Variants in RB1CC1 observed in about 807,000 individuals in gnomAD.
RB1CC1 encodes the protein RB1-inducible coiled-coil protein 1.
In RB1CC1, 46 loss-of-function variants were observed where a neutral mutation model predicts 177.5. The ratio of observed to expected loss-of-function variants is 0.26; its 90% CI spans 0.20 to 0.33. The LOEUF is 0.33. Ranked by LOEUF, RB1CC1 falls within the 10% of genes least tolerant of loss-of-function variation. The pLI is 1.00. For synonymous variants in RB1CC1, 666 were observed against 613.6 expected, an observed-to-expected ratio of 1.09 and a Z score of -1.26; for missense variants, 1,703 against 1,816.3, an observed-to-expected ratio of 0.94 and a Z score of 1.13.
intron 7 of RB1CC1, among the ~76,000 whole-genome samples, chr8:52,672,115 T>C (rs1417064032): frequency 2.0e-5 from 3 of 152,204 alleles, no homozygotes; most frequent in Non-Finnish European, 2.9e-5. Flanking sequence ...CTACCTTCTA[T>C]TTTCTGAAGG....
chr8:52,632,100 T>A (rs1590916396), intron 20 of RB1CC1, among the ~76,000 whole-genome samples: 1 of 152,208 alleles, frequency 6.6e-6, no homozygotes, highest in African/African-American at 2.4e-5. Context: ...TGCTAGCTGA[T>A]AAGCTATAGC....
chr8:52,654,969 C>T (rs1850951254), intron 15 of RB1CC1, among the ~76,000 whole-genome samples: 1 of 152,132 alleles, frequency 6.6e-6, no homozygotes, highest in Admixed American at 6.5e-5. Context: ...GGTCTATTTT[C>T]CATACTGCAA....
At chr8:52,626,470 T>C (rs79761309) in intron 22 of RB1CC1, among the ~76,000 whole-genome samples, 2,225 of 152,278 alleles carry the variant, frequency 0.015, 63 homozygotes, top group African/African-American at 0.05. Flanking sequence ...CACACATTTG[T>C]GTATATTTAT....
At chr8:52,653,013 C>T (rs556207936) in intron 15 of RB1CC1, among the ~76,000 whole-genome samples, 1 of 152,054 alleles carries the variant, frequency 6.6e-6, no homozygotes, top group Admixed American at 6.5e-5. Context: ...AGAGAGATCA[C>T]GCCACTGCAC....
intron 1 of RB1CC1, among the ~76,000 whole-genome samples, chr8:52,711,757 G>C (rs555145463): frequency 6.6e-6 from 1 of 152,246 alleles, no homozygotes; most frequent in East Asian, 1.9e-4. Flanking sequence ...TGAATATGTA[G>C]AGCCCCACAA....
intron 1 of RB1CC1, among the ~76,000 whole-genome samples, chr8:52,694,053 A>G (rs1855146519): frequency 1.3e-5 from 2 of 152,162 alleles, no homozygotes; most frequent in African/African-American, 4.8e-5. Flanking sequence ...CTTCACAGCT[A>G]AAGAAACATA....
intron 1 of RB1CC1, among the ~76,000 whole-genome samples, chr8:52,692,539 T>C (rs931287517): frequency 5.3e-5 from 8 of 152,168 alleles, no homozygotes; most frequent in African/African-American, 1.7e-4. Context: ...ATCATTCATA[T>C]GACAAAACTA....
chr8:52,682,207 T>C lies in RB1CC1; in HGVS notation c.369+1342A>G, dbSNP rs545266458. Reference sequence around the variant, plus strand: ...TGAGACCTGGAGTCAAAGGAGATGATTTTGGAGCTTCAAAACTTGGCTGCC... The same window carrying C: ...TGAGACCTGGAGTCAAAGGAGATGACTTTGGAGCTTCAAAACTTGGCTGCC... On this transcript the variant is annotated intron_variant, in intron 5 of 23. Coordinates refer to ENST00000025008, the MANE Select transcript of RB1CC1 (RefSeq NM_014781.5). 2.0e-4 allele frequency among the ~76,000 whole-genome samples: 31 copies of C among 152,316 alleles called. No homozygotes were observed. In the South Asian group the frequency reaches 5.4e-3, roughly 26 times the overall value.
chr8:52,676,373 T>A lies in RB1CC1; in HGVS notation c.568A>T (p.Thr190Ser). Residue 190 changes from threonine (T) to serine (S), a missense_variant, in exon 6 of 24, where the codon ACT becomes TCT. Thr to Ser is a moderately conservative substitution (Grantham distance 58). Coordinates refer to ENST00000025008, the MANE Select transcript of RB1CC1 (RefSeq NM_014781.5). ...CCATTTTAATGGCAAACATACTGAG[T>A]AAGTTTTAACTTGATGTCTTCTATG... ...QSIEDIKLKL[T>S]HLGTAVSVMA... The A allele has an allele frequency of 6.3e-7, 1 of 1,597,878 alleles. No homozygotes were observed. Among genetic ancestry groups the A allele is most frequent in the East Asian group, 2.2e-5 (1 of 44,794 alleles).
At chr8:52,678,797 G>A (rs866622402) in intron 5 of RB1CC1, among the ~76,000 whole-genome samples, 2 of 152,194 alleles carry the variant, frequency 1.3e-5, no homozygotes, top group South Asian at 4.1e-4. Flanking sequence ...AAGAGCACTG[G>A]CCTTGGAGAA....
chr8:52,656,201 G>A lies in RB1CC1; in HGVS notation c.3628C>T (p.Gln1210Ter). 6.2e-7 allele frequency: 1 copy of A among 1,613,466 alleles called. No homozygotes were observed. The highest frequency in any genetic ancestry group is 8.5e-7 in the Non-Finnish European group (1 of 1,179,818). ...TTTTGTCTGTCTTTCTCAAGGTTCT[G>A]GATAATAGCTTCGTATTTCTCTTCT... ...QQEEKYEAIIQNLEKDRQKLV... is the reference protein window; with the variant it reads ...QQEEKYEAII The change falls in exon 15 of 24, where the codon CAG becomes TAG. Residue 1210 changes from glutamine (Q) to a stop codon, truncating the protein, a stop_gained. Coordinates refer to ENST00000025008, the MANE Select transcript of RB1CC1 (RefSeq NM_014781.5). LOFTEE classifies it high-confidence loss of function.
chr8:52,676,613 T>C, intron 5 of RB1CC1, 42 bp from the exon 6 acceptor site: 3 of 1,547,462 alleles, frequency 1.9e-6, no homozygotes, highest in Admixed American at 1.8e-5. Context: ...AAGAAGGCAA[T>C]GGTTTGTTTG....
chr8:52,684,128 T>C, intron 3 of RB1CC1, 115 bp from the exon 4 acceptor site: 1 of 1,212,264 alleles, frequency 8.2e-7, no homozygotes, highest in Non-Finnish European at 1.1e-6. Flanking sequence ...TCTAAAACCT[T>C]CCCCAAAAAC....
At position 52,683,970 on chromosome 8, in the gene RB1CC1, C is replaced by T. The variant is rs1020769671; in HGVS notation, c.115G>A (p.Ala39Thr). The change falls in exon 4 of 24, where the codon GCT becomes ACT. Residue 39 changes from alanine to threonine, a missense_variant. Ala to Thr is a moderately conservative substitution (Grantham distance 58, BLOSUM62 0). Transcript: ENST00000025008. ...ACCACCAGCACCTGGTGTTGAATAG[C>T]AATCTTGTATTTGCTTTGAATGGCA... ...KHAIQSKYKI[A>T]IQHQVLVVNG... is the part of the protein sequence containing the mutation. The T allele has an allele frequency of 6.2e-7, 1 of 1,614,032 alleles. No individual in the cohort carries two copies. The highest frequency in any genetic ancestry group is 1.3e-5 in the African/African-American group (1 of 75,028).
At chr8:52,673,727 C>T in intron 7 of RB1CC1, 118 bp downstream of exon 7, 1 of 960,870 alleles carries the variant, frequency 1.0e-6, no homozygotes, top group Non-Finnish European at 1.5e-6. Context: ...AGTTTCACTC[C>T]AAGACTCATT....
At position 52,685,239 on chromosome 8, in the gene RB1CC1, C is replaced by T. The variant is rs58350751; in HGVS notation, c.71+160G>A. On this transcript the variant is annotated intron_variant, in intron 3 of 23. Coordinates refer to ENST00000025008, the MANE Select transcript of RB1CC1 (RefSeq NM_014781.5). Reference sequence around the variant, plus strand: ...GGATGGTCTCGATCTTTCTTGACCTCGTGATCCGCCCGCCTCAGCCTCCCA... The same window carrying T: ...GGATGGTCTCGATCTTTCTTGACCTTGTGATCCGCCCGCCTCAGCCTCCCA... 4.9e-3 allele frequency among the ~76,000 whole-genome samples: 742 copies of T among 151,980 alleles called. 6 individuals carry two copies. Among genetic ancestry groups the T allele is most frequent in the African/African-American group, 0.017 (717 of 41,468 alleles).
At chr8:52,662,189 C>T (rs1851691844) in intron 8 of RB1CC1, among the ~76,000 whole-genome samples, 1 of 152,088 alleles carries the variant, frequency 6.6e-6, no homozygotes, top group Non-Finnish European at 1.5e-5. Flanking sequence ...CTGCCCTCTC[C>T]AGTTATCTCT....
chr8:52,661,143 A>C lies in RB1CC1; in HGVS notation c.1497T>G (p.Ala499=), dbSNP rs1851586651. The C allele has an allele frequency of 6.2e-7, 1 of 1,613,722 alleles. No individual in the cohort carries two copies. Among genetic ancestry groups the C allele is most frequent in the Non-Finnish European group, 8.5e-7 (1 of 1,179,862 alleles). The change falls in exon 10 of 24, where the codon GCT becomes GCG. Residue 499 remains alanine, a synonymous_variant. Transcript: ENST00000025008. ...TTTTTCTTCTTACAACCTCAACAACAGCTAAGCAGTACATCTGAGGAACTG... is the reference window on the plus strand; with the variant it reads ...TTTTTCTTCTTACAACCTCAACAACCGCTAAGCAGTACATCTGAGGAACTG... ...LSTVPQMYCL[A]VVEVVRRKMF...
At chr8:52,682,563 G>A (rs182712731) in intron 5 of RB1CC1, among the ~76,000 whole-genome samples, 3 of 151,634 alleles carry the variant, frequency 2.0e-5, no homozygotes, top group Admixed American at 1.3e-4. Context: ...TTACTTTCTT[G>A]TTTTCATTCT....
Sources: allele counts gnomAD v4.1 joint callset (sites outside exome capture counted in the v4.1 genomes callset), GRCh38; gene constraint gnomAD v4.1.1; transcripts MANE v1.5; gene names NCBI Gene and HGNC (gene_info 2026-07-23, HGNC 2026-07-21).